Variants in CPA6 observed in about 807,000 individuals in gnomAD.
CPA6 encodes carboxypeptidase B.
In CPA6, 58 loss-of-function variants were observed where a neutral mutation model predicts 63.3. That is an observed-to-expected ratio of 0.92 (90% CI 0.74 to 1.14). CPA6 has a LOEUF of 1.14. Among genes scored for constraint, CPA6 ranks in the 50% most tolerant of loss-of-function variants. The pLI, the probability that CPA6 is intolerant of heterozygous loss-of-function variation, is 0.00. For synonymous variants in CPA6, 185 were observed against 179.0 expected, an observed-to-expected ratio of 1.03 and a Z score of -0.27; for missense variants, 565 against 526.6, an observed-to-expected ratio of 1.07 and a Z score of -0.71.
intron 6 of CPA6, among the ~76,000 whole-genome samples, chr8:67,502,233 G>A (rs1184354977): frequency 6.6e-6 from 1 of 152,120 alleles, no homozygotes; most frequent in East Asian, 1.9e-4. Flanking sequence ...GGAGGCTGAG[G>A]TGGTAGTTGA....
chr8:67,476,824 C>T (rs7820882), intron 8 of CPA6, among the ~76,000 whole-genome samples: 57,586 of 151,908 alleles, frequency 0.38, 11,213 homozygotes, highest in African/African-American at 0.48. Flanking sequence ...ATCAGCCAAA[C>T]AGGGATAATA....
In CPA6 at chr8:67,451,912, T is replaced by C. The variant is rs1008314364; in HGVS notation, c.839-17672A>G. Among the ~76,000 whole-genome samples, 4 of 152,288 alleles carry C rather than the reference T, an allele frequency of 2.6e-5. No homozygotes were observed. In the South Asian group the frequency reaches 8.3e-4, roughly 32 times the overall value. ...TTTAAAAAATGTTTCCAAAAGAAAATGAGATACTTAAACAATCTTTGTATA... is the reference window on the plus strand; with the variant it reads ...TTTAAAAAATGTTTCCAAAAGAAAACGAGATACTTAAACAATCTTTGTATA... On this transcript the variant is annotated intron_variant, in intron 8 of 10. Transcript: ENST00000297770.
At chr8:67,543,796 T>TATTATTA (rs1563993379) in intron 2 of CPA6, among the ~76,000 whole-genome samples, 2 of 151,366 alleles carry the variant, frequency 1.3e-5, no homozygotes, top group Admixed American at 6.6e-5. Context: ...TTATTATTAT[T>TATTATTA]TTTAAGAGAC....
chr8:67,422,530 T>C lies in CPA6; in HGVS notation c.1288A>G (p.Met430Val), dbSNP rs774898194. 5 of 1,614,086 alleles carry C rather than the reference T, an allele frequency of 3.1e-6. No homozygotes were observed. The Admixed American group carries it at 5.0e-5, about 16-fold the overall frequency. ...ETMLAVKNIT[M>V]HLLKKCP ...CAGGGACATTTCTTTAGCAGGTGCA[T>C]TGTGATATTTTTCACAGCCAGCATA... is the stretch of plus-strand genomic sequence containing the variant. Residue 430 changes from methionine (M) to valine (V), a missense_variant, in exon 11 of 11, where the codon ATG becomes GTG. Transcript: ENST00000297770.
At chr8:67,540,134 G>A (rs1812673539) in intron 2 of CPA6, among the ~76,000 whole-genome samples, 1 of 151,676 alleles carries the variant, frequency 6.6e-6, no homozygotes, top group Non-Finnish European at 1.5e-5. Context: ...TCATTCTCGT[G>A]GATTTATCTA....
intron 1 of CPA6, among the ~76,000 whole-genome samples, chr8:67,742,760 T>C (rs1420349445): frequency 6.6e-6 from 1 of 152,154 alleles, no homozygotes; most frequent in Non-Finnish European, 1.5e-5. Context: ...AGCTACTAAA[T>C]GTGGGAGAGC....
At chr8:67,684,001 G>GTATATATATATATA (rs3056573) in intron 1 of CPA6, among the ~76,000 whole-genome samples, 55 of 116,978 alleles carry the variant, frequency 4.7e-4, no homozygotes, top group South Asian at 2.8e-3. Flanking sequence ...ATTTTAAAAT[G>GTATATATATATATA]TATATATATA....
chr8:67,515,311 G>A (rs1011207109), intron 3 of CPA6, among the ~76,000 whole-genome samples: 1 of 152,088 alleles, frequency 6.6e-6, no homozygotes, highest in Non-Finnish European at 1.5e-5. Context: ...TTCCACTGAT[G>A]TCCCTTCTCG....
intron 1 of CPA6, among the ~76,000 whole-genome samples, chr8:67,687,018 G>GCCTTCTCA (rs1816722079): frequency 1.3e-5 from 2 of 151,924 alleles, no homozygotes; most frequent in African/African-American, 4.8e-5. Flanking sequence ...AGAATCTCCC[G>GCCTTCTCA]GCCTTCTCAA....
intron 1 of CPA6, among the ~76,000 whole-genome samples, chr8:67,680,332 T>A (rs1235575153): frequency 6.6e-6 from 1 of 151,996 alleles, no homozygotes; most frequent in Non-Finnish European, 1.5e-5. Flanking sequence ...GGAGACCCCA[T>A]TTCTACAAAA....
intron 8 of CPA6, among the ~76,000 whole-genome samples, chr8:67,474,381 C>T (rs1056504348): frequency 1.3e-5 from 2 of 151,968 alleles, no homozygotes; most frequent in African/African-American, 4.8e-5. Flanking sequence ...GCCACCAAGC[C>T]CGGCTAATTT....
At chr8:67,548,066 CTTTTT>C (rs377315915) in intron 2 of CPA6, among the ~76,000 whole-genome samples, 1 of 151,544 alleles carries the variant, frequency 6.6e-6, no homozygotes, top group African/African-American at 2.4e-5. Context: ...CTTTTCTTTT[CTTTTT>C]TTTCTTTTCT....
chr8:67,718,649 G>GTTT (rs765690137), intron 1 of CPA6, among the ~76,000 whole-genome samples: 2 of 141,048 alleles, frequency 1.4e-5, no homozygotes, highest in Non-Finnish European at 1.6e-5. Context: ...GACAGCTGAA[G>GTTT]TTTTTTTTTT....
At chr8:67,673,941 G>A (rs1242458419) in intron 1 of CPA6, among the ~76,000 whole-genome samples, 1 of 152,052 alleles carries the variant, frequency 6.6e-6, no homozygotes, top group African/African-American at 2.4e-5. Context: ...AGGTAAAGGT[G>A]AATGAAGGGA....
At chr8:67,638,503 T>G (rs1252387524) in intron 1 of CPA6, among the ~76,000 whole-genome samples, 1 of 151,612 alleles carries the variant, frequency 6.6e-6, no homozygotes, top group African/African-American at 2.4e-5. Context: ...CAGTCCTCAC[T>G]GTGATGTGCT....
chr8:67,559,221 A>G (rs1165704802), intron 2 of CPA6, among the ~76,000 whole-genome samples: 4 of 152,156 alleles, frequency 2.6e-5, no homozygotes, highest in Non-Finnish European at 5.9e-5. Flanking sequence ...TAAACCATTT[A>G]ATATTTTTAT....
At chr8:67,497,590 C>T (rs1398802045) in intron 6 of CPA6, among the ~76,000 whole-genome samples, 1 of 152,158 alleles carries the variant, frequency 6.6e-6, no homozygotes, top group African/African-American at 2.4e-5. Context: ...CTCTTGGGTA[C>T]ACACATAGGA....
At chr8:67,580,538 G>A (rs1321653052) in intron 2 of CPA6, among the ~76,000 whole-genome samples, 1 of 152,122 alleles carries the variant, frequency 6.6e-6, no homozygotes, top group African/African-American at 2.4e-5. Context: ...TTGTTTTTGG[G>A]GTTTGGCAAG....
chr8:67,508,774 G>C, intron 5 of CPA6, among the ~76,000 whole-genome samples: 1 of 152,180 alleles, frequency 6.6e-6, no homozygotes, highest in Non-Finnish European at 1.5e-5. Flanking sequence ...GGCTGAGAAA[G>C]AATAGAGAGC....
Sources: gnomAD v4.1 joint callset for allele counts (sites outside exome capture counted in the v4.1 genomes callset) on GRCh38, gnomAD v4.1.1 for gene constraint, MANE v1.5 for transcripts, NCBI Gene and HGNC (gene_info 2026-07-23, HGNC 2026-07-21) for gene names.